METTL17: variants seen among roughly 807,000 people sequenced by gnomAD.
METTL17 encodes the protein ribosome assembly protein METTL17, mitochondrial.
Under a neutral mutation model 59.4 loss-of-function variants are expected in METTL17, and 49 were observed. That is an observed-to-expected ratio of 0.82 (90% confidence interval 0.66 to 1.05). The LOEUF (loss-of-function observed/expected upper bound fraction) is 1.05, where lower values mean the gene tolerates loss of function less well. Ranked by LOEUF, METTL17 falls within the 50% of genes least tolerant of loss-of-function variation. The pLI, the probability that METTL17 is intolerant of heterozygous loss-of-function variation, is 0.00. For synonymous variants in METTL17, 208 were observed against 209.2 expected (o/e 0.99, Z 0.05); for missense variants, 555 against 578.4 (o/e 0.96, Z 0.41).
chr14:20,993,975 T>C lies in METTL17; in HGVS notation c.609T>C (p.Ala203=), dbSNP rs1009961656. ...AATAATTTTGCCATCTTAGGGCTGC[T>C]CACAGTATTTGGGGCCAGAGCCTAC... ...GSGTGSVTWA[A]HSIWGQSLRE... The change falls in exon 7 of 14, where the codon GCT becomes GCC. Residue 203 remains alanine, a synonymous_variant. Transcript: ENST00000339374. 75 of 1,613,234 alleles carry C rather than the reference T, an allele frequency of 4.6e-5. No individual in the cohort carries two copies. The highest frequency in any genetic ancestry group is 1.6e-4 in the Middle Eastern group (1 of 6,082).
chr14:20,990,700 A>G, intron 3 of METTL17, 102 bp downstream of exon 3: 2 of 1,434,002 alleles, frequency 1.4e-6, no homozygotes, highest in South Asian at 1.4e-5. Flanking sequence ...GAAGTCTCTT[A>G]TTTGACTTTC....
chr14:20,996,486 T>TA (rs763287316), intron 12 of METTL17, 41 bp from the exon 13 acceptor site: 4 of 1,574,514 alleles, frequency 2.5e-6, no homozygotes, highest in Non-Finnish European at 3.5e-6. Context: ...TTTTTTCCCA[T>TA]ATCTTTTTCT....
chr14:20,992,265 G>T, intron 4 of METTL17, 60 bp downstream of exon 4: 1 of 1,063,624 alleles, frequency 9.4e-7, no homozygotes, highest in Non-Finnish European at 1.4e-6. Context: ...AAGAGAGTTG[G>T]GGGAGTACAA....
chr14:20,992,251 T>C (rs915117007), intron 4 of METTL17, 46 bp downstream of exon 4: 4 of 1,251,916 alleles, frequency 3.2e-6, no homozygotes, highest in Admixed American at 2.1e-5. Flanking sequence ...AGGTAGACTT[T>C]AGAAAGAGAG....
chr14:20,995,313 A>G lies in METTL17; in HGVS notation c.945+80A>G. On this transcript the variant is annotated intron_variant, in intron 10 of 13. Transcript: ENST00000339374. ...TCTCTTGAAAACGAAAGAGACTGTC[A>G]TGTATTGACAAGGGTGGCTCTCAGG... is the stretch of plus-strand genomic sequence containing the variant. The G allele has an allele frequency of 4.6e-6, 6 of 1,307,452 alleles. No homozygotes were observed. In the Admixed American group the frequency reaches 6.9e-5, roughly 15 times the overall value. The allele number at this position is 1,307,452 out of a possible 1,614,324, so 81.0% of individuals were successfully genotyped here. A position where few individuals can be genotyped will look rare whatever the true frequency, so the allele number is the denominator to read the frequency against.
chr14:20,996,602 C>T lies in METTL17; in HGVS notation c.1156C>T (p.Pro386Ser), dbSNP rs1448459732. The T allele has an allele frequency of 3.1e-6, 5 of 1,614,108 alleles. No homozygotes were observed. The highest frequency in any genetic ancestry group is 4.2e-6 in the Non-Finnish European group (5 of 1,180,050). The stretch of plus-strand genomic sequence containing the variant: ...GTCTCCAGAGGAGGCTCATCGCTGG[C>T]CCCGTATCACTCAGCCTGTCCTTAA... The part of the protein sequence containing the change: ...RGSPEEAHRW[P>S]RITQPVLKRP... The change falls in exon 13 of 14, where the codon CCC becomes TCC. Residue 386 changes from proline (P) to serine (S), a missense_variant. By Grantham distance (74) the Pro-to-Ser change is moderately conservative. Coordinates refer to ENST00000339374, the MANE Select transcript of METTL17 (RefSeq NM_022734.3).
At chr14:20,996,079 C>G in intron 11 of METTL17, 128 bp downstream of exon 11, 2 of 1,280,410 alleles carry the variant, frequency 1.6e-6, no homozygotes, top group South Asian at 1.2e-5. Context: ...CTAATGATTC[C>G]CCTGGCTCTT....
intron 12 of METTL17, 33 bp downstream of exon 12, chr14:20,996,325 A>G (rs1178896921): frequency 6.3e-7 from 1 of 1,589,246 alleles, no homozygotes; most frequent in Admixed American, 1.7e-5. Context: ...GCAGGAAGCA[A>G]ACATCCTGGA....
chr14:20,990,478 A>G lies in METTL17; in HGVS notation c.244A>G (p.Thr82Ala), dbSNP rs1051113312. Residue 82 changes from threonine to alanine, a missense_variant, in exon 3 of 14, where the codon ACT (threonine) becomes GCT (alanine). By Grantham distance (58) the Thr-to-Ala change is moderately conservative. Transcript: ENST00000339374. ...QLLLLGSAGP[T>A]MENQVQTLTS... is the part of the protein sequence containing the mutation. Reference sequence around the variant, plus strand: ...TTGGCCCATAGGGAGCGCTGGGCCCACTATGGAGAATCAGGTGCAAACACT... The same window carrying G: ...TTGGCCCATAGGGAGCGCTGGGCCCGCTATGGAGAATCAGGTGCAAACACT... 11 of 1,614,126 alleles carry G rather than the reference A, an allele frequency of 6.8e-6. No homozygotes were observed. The highest frequency in any genetic ancestry group is 8.5e-6 in the Non-Finnish European group (10 of 1,180,044).
chr14:20,994,665 A>G (rs1880253847), intron 8 of METTL17, 52 bp downstream of exon 8: 1 of 1,586,064 alleles, frequency 6.3e-7, no homozygotes. Flanking sequence ...CAGATGGAAA[A>G]CTATGGCTTG....
At chr14:20,995,595 G>A (rs1329190612) in intron 10 of METTL17, among the ~76,000 whole-genome samples, 1 of 152,180 alleles carries the variant, frequency 6.6e-6, no homozygotes, top group Non-Finnish European at 1.5e-5. Flanking sequence ...CCTTGTCACT[G>A]GGGGAGAGTA....
Position 20,990,266 on chromosome 14 carries a change from G to C in METTL17, c.112G>C (p.Asp38His). Residue 38 changes from aspartate (D) to histidine (H), a missense_variant, in exon 2 of 14, where the codon GAT becomes CAT. Coordinates refer to ENST00000339374, the MANE Select transcript of METTL17 (RefSeq NM_022734.3). ...CTTAGTACCCGGAGTGACCCAGGTA[G>C]ATAACAAGTCCGGTTTCCTGCAGAA... ...AALVPGVTQVDNKSGFLQKRP... is the reference protein window; with the variant it reads ...AALVPGVTQVHNKSGFLQKRP... 1 of 1,614,240 alleles carries C rather than the reference G, an allele frequency of 6.2e-7. No individual in the cohort carries two copies. Among genetic ancestry groups the C allele is most frequent in the Non-Finnish European group, 8.5e-7 (1 of 1,180,036 alleles).
rs376391632 is a variant in METTL17, at chr14:20,990,088, A to G, written c.75+11A>G. The G allele has an allele frequency of 1.5e-4, 240 of 1,612,824 alleles. No individual in the cohort carries two copies. The highest frequency in any genetic ancestry group is 2.0e-4 in the Non-Finnish European group (232 of 1,180,030). ...GCTCCCCAGGCCCGGGTGAGTGCCT[A>G]CATTCCCTGCTGTCGGAGAGACTCT... On this transcript the variant is annotated intron_variant, in intron 1 of 13. Transcript: ENST00000339374.
Position 20,990,033 on chromosome 14 carries a change from T to G in METTL17, c.31T>G (p.Leu11Val), listed in dbSNP as rs778595407. 1.2e-6 allele frequency: 2 copies of G among 1,612,920 alleles called. No individual in the cohort carries two copies. The highest frequency in any genetic ancestry group is 1.7e-6 in the Non-Finnish European group (2 of 1,179,668). Residue 11 changes from leucine to valine, a missense_variant, in exon 1 of 14, where the codon TTA (leucine) becomes GTA (valine). Physicochemically the swap from Leu to Val is conservative, Grantham distance 32. Transcript: ENST00000339374. The part of the protein sequence containing the change: MAAALKCLLT[L>V]GRWCPGLGVA... The stretch of plus-strand genomic sequence containing the variant: ...GGCGGCACTGAAGTGTCTACTGACA[T>G]TAGGAAGATGGTGCCCCGGCCTTGG...
chr14:20,994,713 G>A, intron 8 of METTL17, 81 bp from the exon 9 acceptor site: 1 of 1,532,964 alleles, frequency 6.5e-7, no homozygotes, highest in Non-Finnish European at 9.0e-7. Flanking sequence ...GAAGATAAAA[G>A]AAATTTAGCG....
chr14:20,992,537 G>T lies in METTL17; in HGVS notation c.447-4G>T, dbSNP rs987972010. ...TATGTACAACTCTGTGATTTTAATG[G>T]CAGCTACACTGAGGGACTGAGCCTG... On this transcript the variant is annotated splice_polypyrimidine_tract_variant and splice_region_variant and intron_variant, in intron 4 of 13. Transcript: ENST00000339374. The T allele has an allele frequency of 6.2e-7, 1 of 1,611,270 alleles. No homozygotes were observed. Among genetic ancestry groups the T allele is most frequent in the African/African-American group, 1.3e-5 (1 of 74,788 alleles).
chr14:20,992,280 A>G, intron 4 of METTL17, 75 bp downstream of exon 4: 2 of 931,818 alleles, frequency 2.1e-6, no homozygotes, highest in South Asian at 1.5e-5. Context: ...GTACAATTAC[A>G]CAATCAATTT....
chr14:20,996,080 C>T (rs768443241), intron 11 of METTL17, 129 bp downstream of exon 11: 3 of 1,262,306 alleles, frequency 2.4e-6, no homozygotes, highest in Admixed American at 3.4e-5. Context: ...TAATGATTCC[C>T]CTGGCTCTTC....
chr14:20,993,067 C>T, intron 5 of METTL17, 51 bp from the exon 6 acceptor site: 6 of 1,502,838 alleles, frequency 4.0e-6, no homozygotes, highest in Non-Finnish European at 5.6e-6. Context: ...TTATCAAGGT[C>T]CTAAATAAGT....
Sources: gnomAD v4.1 joint callset for allele counts (sites outside exome capture counted in the v4.1 genomes callset) on GRCh38, gnomAD v4.1.1 for gene constraint, MANE v1.5 for transcripts, NCBI Gene and HGNC (gene_info 2026-07-23, HGNC 2026-07-21) for gene names.